The following SASH1 variants were observed in gnomAD, a reference collection of about 807,000 sequenced individuals.
SASH1 encodes the protein SAM and SH3 domain containing 1.
SASH1 carries 44 observed loss-of-function variants against 125.2 expected under a neutral mutation model. That is an observed-to-expected ratio of 0.35 (90% confidence interval 0.28 to 0.45). The LOEUF (loss-of-function observed/expected upper bound fraction) is 0.45, where lower values mean the gene tolerates loss of function less well. SASH1 is among the 20% of genes least tolerant of loss of function. SASH1 has a pLI of 1.00. For missense variants in SASH1, 1,426 were observed against 1,614.5 expected (o/e 0.88, Z 2.00); for synonymous variants, 639 against 649.1 (o/e 0.98, Z 0.24).
At chr6:148,378,558 C>T (rs578061655) in intron 1 of SASH1, among the ~76,000 whole-genome samples, 1 of 152,278 alleles carries the variant, frequency 6.6e-6, no homozygotes, top group Non-Finnish European at 1.5e-5. Context: ...TGGGGTTTGA[C>T]CACGATGCTC....
the SASH1 span, among the ~76,000 whole-genome samples, chr6:148,234,993 A>G: frequency 6.6e-6 from 1 of 152,228 alleles, no homozygotes; most frequent in Non-Finnish European, 1.5e-5. Flanking sequence ...GAAGTAGAAT[A>G]GTATCCATTT....
At chr6:148,208,145 C>T in the SASH1 span, among the ~76,000 whole-genome samples, 4,461 of 152,088 alleles carry the variant, frequency 0.029, 201 homozygotes, top group African/African-American at 0.1. Context: ...AAGCTCAGGA[C>T]GGCAACATGA....
At chr6:148,428,648 T>C (rs371245627) in intron 2 of SASH1, among the ~76,000 whole-genome samples, 5 of 45,640 alleles carry the variant, frequency 1.1e-4, no homozygotes, top group South Asian at 7.5e-4. Context: ...AAAAAGAGAA[T>C]ATAAACTAAT....
At chr6:148,235,001 T>C in the SASH1 span, among the ~76,000 whole-genome samples, 3 of 152,144 alleles carry the variant, frequency 2.0e-5, no homozygotes, top group Admixed American at 6.5e-5. Flanking sequence ...ATAGTATCCA[T>C]TTTGGGATAA....
intron 2 of SASH1, among the ~76,000 whole-genome samples, chr6:148,411,724 A>C (rs913945606): frequency 3.3e-5 from 5 of 152,134 alleles, no homozygotes; most frequent in African/African-American, 1.2e-4. Flanking sequence ...TTGTACTTTT[A>C]GTAGAGACGC....
At position 148,342,991 on chromosome 6, in the gene SASH1, C is replaced by G. The variant is rs1781383165; in HGVS notation, c.-77C>G. ...GACGCCGCGGGCGGGGACCCGGCAT[C>G]CGGGCAGGCTGCGCGCGGGTGCGGG... On this transcript the variant is annotated 5_prime_UTR_variant, in exon 1 of 20. In the 5' UTR this introduces an upstream ATG that the reference lacks. Coordinates refer to ENST00000367467, the MANE Select transcript of SASH1 (RefSeq NM_015278.5). The G allele has an allele frequency of 9.5e-7, 1 of 1,057,344 alleles. No individual in the cohort carries two copies. The highest frequency in any genetic ancestry group is 1.7e-5 in the African/African-American group (1 of 58,728). The allele number at this position is 1,057,344 out of a possible 1,614,324, so 65.5% of individuals were successfully genotyped here. A position where few individuals can be genotyped will look rare whatever the true frequency, so the allele number is the denominator to read the frequency against.
At chr6:148,262,844 G>C in the SASH1 span, among the ~76,000 whole-genome samples, 4 of 152,288 alleles carry the variant, frequency 2.6e-5, no homozygotes, top group South Asian at 8.3e-4. Flanking sequence ...GTGCGCTCCA[G>C]CCTGGGTGAC....
At chr6:148,386,982 C>T (rs1199430088) in intron 1 of SASH1, among the ~76,000 whole-genome samples, 1 of 152,100 alleles carries the variant, frequency 6.6e-6, no homozygotes. Context: ...GATAGCCCAG[C>T]TCCCTCTGTC....
intron 8 of SASH1, among the ~76,000 whole-genome samples, chr6:148,510,969 C>T (rs1780080869): frequency 6.9e-6 from 1 of 145,898 alleles, no homozygotes; most frequent in South Asian, 2.2e-4. Flanking sequence ...GCACCCCAGC[C>T]TGGGAGACAG....
chr6:148,373,983 AACAACAACAAGG>A (rs1562360785), intron 1 of SASH1, among the ~76,000 whole-genome samples: 1 of 150,810 alleles, frequency 6.6e-6, no homozygotes, highest in Admixed American at 6.7e-5. Context: ...CCGTCTCAAA[AACAACAACAAGG>A]ACAACAACAA....
intron 7 of SASH1, among the ~76,000 whole-genome samples, chr6:148,486,000 CA>C (rs1562450499): frequency 1.3e-5 from 2 of 152,252 alleles, no homozygotes; most frequent in Non-Finnish European, 2.9e-5. Context: ...CACTCTCTCA[CA>C]TATGCCATTC....
chr6:148,519,933 C>T lies in SASH1; in HGVS notation c.1209+40C>T, dbSNP rs1223316969. 1.4e-5 allele frequency: 19 copies of T among 1,395,830 alleles called. No individual in the cohort carries two copies. In the South Asian group the frequency reaches 1.4e-4, roughly 11 times the overall value. The allele number at this position is 1,395,830 out of a possible 1,614,324, so 86.5% of individuals were successfully genotyped here. ...TGTTTGCTTCTATGACAACCACCGT[C>T]GCAGGCACCACCTTCTGGTGTCCCT... On this transcript the variant is annotated intron_variant, in intron 10 of 19. Transcript: ENST00000367467. This position sits in a 1 kb window ranked among gnomAD's most constrained non-coding sequence, Gnocchi z 4.8.
intron 1 of SASH1, among the ~76,000 whole-genome samples, chr6:148,343,608 G>A (rs1439753045): frequency 1.3e-5 from 2 of 152,214 alleles, no homozygotes; most frequent in Admixed American, 1.3e-4. Context: ...ACCATTTGTT[G>A]TGTGACCACA....
intron 3 of SASH1, 31 bp downstream of exon 3, chr6:148,440,265 T>G (rs752868909): frequency 2.0e-5 from 32 of 1,613,010 alleles, no homozygotes; most frequent in Non-Finnish European, 2.5e-5. Context: ...CATCTAGTTT[T>G]GCTTCTGCCT....
intron 2 of SASH1, among the ~76,000 whole-genome samples, chr6:148,434,748 A>T (rs1018941960): frequency 6.6e-6 from 1 of 152,200 alleles, no homozygotes; most frequent in Non-Finnish European, 1.5e-5. Flanking sequence ...TAATGTATTT[A>T]AAACATTTCA....
intron 1 of SASH1, among the ~76,000 whole-genome samples, chr6:148,317,825 G>A (rs1285359143): frequency 6.6e-6 from 1 of 152,166 alleles, no homozygotes; most frequent in Admixed American, 6.5e-5. Context: ...GTGCATTGCT[G>A]CCTTTTTGGA....
chr6:148,450,933 A>T (rs1245151415), intron 4 of SASH1, among the ~76,000 whole-genome samples: 3 of 152,198 alleles, frequency 2.0e-5, no homozygotes, highest in Non-Finnish European at 4.4e-5. Context: ...TTCCACAATT[A>T]TCAAATGAAG....
chr6:148,447,347 T>C (rs1289590260), intron 4 of SASH1, among the ~76,000 whole-genome samples: 2 of 152,204 alleles, frequency 1.3e-5, no homozygotes, highest in East Asian at 3.9e-4. Flanking sequence ...GGATCGAATA[T>C]AGTTTATAAA....
chr6:148,458,966 CA>C (rs36114725), intron 4 of SASH1, among the ~76,000 whole-genome samples: 1,394 of 132,850 alleles, frequency 0.01, 23 homozygotes, highest in African/African-American at 0.037. Context: ...GAACCTGTCT[CA>C]AAAAAAAAAA....
Sources: allele counts gnomAD v4.1 joint callset (sites outside exome capture counted in the v4.1 genomes callset), GRCh38; gene constraint gnomAD v4.1.1; non-coding constraint Gnocchi (gnomAD v3.1); transcripts MANE v1.5; gene names NCBI Gene and HGNC (gene_info 2026-07-23, HGNC 2026-07-21).